Variants in PARD3B observed in about 807,000 individuals in gnomAD.
PARD3B encodes par-3 family cell polarity regulator beta.
A neutral mutation model predicts 130.2 loss-of-function variants in PARD3B; 103 were observed. That is an observed-to-expected ratio of 0.79 (90% CI 0.67 to 0.93). The LOEUF (loss-of-function observed/expected upper bound fraction) is 0.93, where lower values mean the gene tolerates loss of function less well. Among genes scored for constraint, PARD3B ranks in the 40% least tolerant of loss-of-function variants. The pLI, the probability that PARD3B is intolerant of heterozygous loss-of-function variation, is 0.00. For missense variants in PARD3B, 1,609 were observed against 1,499.2 expected, an observed-to-expected ratio of 1.07 and a Z score of -1.21; for synonymous variants, 583 against 553.2, an observed-to-expected ratio of 1.05 and a Z score of -0.76.
intron 2 of PARD3B, among the ~76,000 whole-genome samples, chr2:204,789,892 A>T (rs1428412965): frequency 7.0e-6 from 1 of 142,758 alleles, no homozygotes; most frequent in African/African-American, 2.7e-5. Context: ...TTTTTTTAAG[A>T]CAGAGTCTTG....
intron 20 of PARD3B, among the ~76,000 whole-genome samples, chr2:205,478,297 C>T (rs1280261495): frequency 6.6e-6 from 1 of 152,154 alleles, no homozygotes; most frequent in Non-Finnish European, 1.5e-5. Context: ...GTCTCTCCTC[C>T]CTAGTCCGTA....
At chr2:204,776,917 G>C (rs1249243695) in intron 2 of PARD3B, among the ~76,000 whole-genome samples, 1 of 151,918 alleles carries the variant, frequency 6.6e-6, no homozygotes, top group African/African-American at 2.4e-5. Flanking sequence ...GGTAAAACAG[G>C]AGTGTGTATG....
intron 20 of PARD3B, among the ~76,000 whole-genome samples, chr2:205,464,152 C>A (rs373816143): frequency 2.6e-5 from 4 of 152,212 alleles, no homozygotes; most frequent in East Asian, 3.9e-4. Context: ...TTCTGTACAT[C>A]TGGCTCTATC....
chr2:205,588,625 C>T (rs896535121), intron 22 of PARD3B, among the ~76,000 whole-genome samples: 5 of 151,922 alleles, frequency 3.3e-5, no homozygotes, highest in African/African-American at 4.8e-5. Context: ...AAGAGTCACC[C>T]GTAACCTTGA....
chr2:205,607,324 C>T (rs954554509), intron 22 of PARD3B, among the ~76,000 whole-genome samples: 1 of 152,116 alleles, frequency 6.6e-6, no homozygotes, highest in Non-Finnish European at 1.5e-5. Flanking sequence ...ATTTCTTTCA[C>T]CCGGTGCCAG....
At chr2:204,776,176 A>G (rs993873092) in intron 2 of PARD3B, among the ~76,000 whole-genome samples, 12 of 152,270 alleles carry the variant, frequency 7.9e-5, no homozygotes, top group Non-Finnish European at 1.5e-4. Context: ...CTCTTGAGAA[A>G]TTTTGCTGAA....
chr2:204,899,665 A>G (rs1415278300), intron 2 of PARD3B, among the ~76,000 whole-genome samples: 2 of 152,194 alleles, frequency 1.3e-5, no homozygotes, highest in Non-Finnish European at 2.9e-5. Context: ...ACATAATTAC[A>G]GTAATATAAT....
intron 22 of PARD3B, among the ~76,000 whole-genome samples, chr2:205,605,222 C>T (rs1371812093): frequency 2.6e-5 from 4 of 152,190 alleles, no homozygotes; most frequent in Non-Finnish European, 1.5e-5. Flanking sequence ...TTCATCCATC[C>T]CAGCCTCTGC....
At chr2:204,643,322 C>T (rs1227032440) in intron 1 of PARD3B, among the ~76,000 whole-genome samples, 1 of 151,862 alleles carries the variant, frequency 6.6e-6, no homozygotes, top group African/African-American at 2.4e-5. Flanking sequence ...TGTAATACAG[C>T]ATAATTACAT....
At chr2:205,180,103 T>C (rs1382694357) in intron 13 of PARD3B, among the ~76,000 whole-genome samples, 2 of 151,926 alleles carry the variant, frequency 1.3e-5, no homozygotes, top group Admixed American at 6.6e-5. Context: ...AGTTTCCTGT[T>C]TCTCTTTCTT....
At chr2:205,343,627 A>G (rs921972217) in intron 18 of PARD3B, among the ~76,000 whole-genome samples, 1 of 152,212 alleles carries the variant, frequency 6.6e-6, no homozygotes, top group African/African-American at 2.4e-5. Context: ...TGTAAAATTA[A>G]GTAGTAACTA....
chr2:205,510,866 C>CAT (rs1683485434), intron 21 of PARD3B, among the ~76,000 whole-genome samples: 1 of 152,182 alleles, frequency 6.6e-6, no homozygotes, highest in Non-Finnish European at 1.5e-5. Flanking sequence ...TAAGCTATTC[C>CAT]ATATACTAGC....
At position 205,248,380 on chromosome 2, in the gene PARD3B, T is replaced by TTGGTGG. The variant is rs751935440; in HGVS notation, c.2185+2589_2185+2594dup. The stretch of plus-strand genomic sequence containing the variant: ...ACGTGAAGGGATATCTCATTGGGAT[T>TTGGTGG]TGGTGGTGGTGGTGGTGGTGGTGGT... On this transcript the variant is annotated intron_variant, in intron 16 of 22. Transcript: ENST00000406610. Among the ~76,000 whole-genome samples the TTGGTGG allele has an allele frequency of 4.7e-3, 686 of 145,348 alleles. 12 individuals carry two copies. Among genetic ancestry groups the TTGGTGG allele is most frequent in the African/African-American group, 0.016 (594 of 37,086 alleles).
intron 3 of PARD3B, among the ~76,000 whole-genome samples, chr2:205,006,691 C>G (rs371285233): frequency 5.3e-5 from 8 of 152,126 alleles, no homozygotes; most frequent in African/African-American, 1.9e-4. Context: ...TGTCTGAGTT[C>G]CTTGTAGATT....
intron 3 of PARD3B, among the ~76,000 whole-genome samples, chr2:204,998,361 T>TGG: frequency 1.5e-5 from 1 of 66,078 alleles, no homozygotes; most frequent in Non-Finnish European, 2.8e-5. Context: ...TATATATATG[T>TGG]GTGTGTGTGT....
rs556021476 is a variant in PARD3B at position 205,004,973 on chromosome 2, A to G, written c.394+39650A>G. On this transcript the variant is annotated intron_variant, in intron 3 of 22. Transcript: ENST00000406610. The stretch of plus-strand genomic sequence containing the variant: ...GTTGAGAATTAGTAGGAGAGTCAGT[A>G]TAATTCCATTAAGCATCACTTTCAT... Among the ~76,000 whole-genome samples the G allele has an allele frequency of 3.9e-5, 6 of 152,290 alleles. No individual in the cohort carries two copies. In the South Asian group the frequency reaches 1.2e-3, roughly 32 times the overall value.
intron 18 of PARD3B, among the ~76,000 whole-genome samples, chr2:205,365,689 T>C (rs977700211): frequency 7.9e-5 from 12 of 152,082 alleles, no homozygotes; most frequent in African/African-American, 2.7e-4. Flanking sequence ...CCCAGGCATG[T>C]TGGAGACAAC....
chr2:204,682,365 G>C (rs1409025118), intron 1 of PARD3B, among the ~76,000 whole-genome samples: 1 of 152,136 alleles, frequency 6.6e-6, no homozygotes, highest in Non-Finnish European at 1.5e-5. Context: ...TTTCTCATCT[G>C]TAAGATGGAT....
chr2:205,037,100 CG>C (rs1698006062), intron 3 of PARD3B, among the ~76,000 whole-genome samples: 2 of 125,894 alleles, frequency 1.6e-5, no homozygotes, highest in African/African-American at 2.9e-5. Flanking sequence ...ACATATATAG[CG>C]GACTGTATAT....
Sources: gnomAD v4.1 joint callset for allele counts (sites outside exome capture counted in the v4.1 genomes callset) on GRCh38, gnomAD v4.1.1 for gene constraint, MANE v1.5 for transcripts, NCBI Gene and HGNC (gene_info 2026-07-23, HGNC 2026-07-21) for gene names.